DIP2C: variants seen among roughly 807,000 people sequenced by gnomAD.
The protein encoded by DIP2C is DIP2 acetate--CoA ligase C (putative), also known as disco-interacting protein 2 homolog C.
Under a neutral mutation model 192.4 loss-of-function variants are expected in DIP2C, and 33 were observed. That is an observed-to-expected ratio of 0.17 (90% CI 0.13 to 0.23). The LOEUF (loss-of-function observed/expected upper bound fraction) is 0.23. Ranked by LOEUF, DIP2C falls within the 10% of genes least tolerant of loss-of-function variation. The pLI is 1.00. For synonymous variants in DIP2C, 979 were observed against 864.1 expected (o/e 1.13, Z -2.33); for missense variants, 1,537 against 2,110.1 (o/e 0.73, Z 5.32).
rs896433178 is a variant in DIP2C at position 275,447 on chromosome 10, G to A, written c.*1878C>T. The stretch of plus-strand genomic sequence containing the variant: ...GATGGAAGGATGCACCACATATGCA[G>A]ACACATTTTTTTAAATGTGCCACTT... On this transcript the variant is annotated 3_prime_UTR_variant, in exon 37 of 37. Transcript: ENST00000280886. 2.7e-5 allele frequency: 4 copies of A among 148,474 alleles called. No homozygotes were observed. The highest frequency in any genetic ancestry group is 7.5e-5 in the African/African-American group (3 of 40,226). The allele number at this position is 148,474 out of a possible 1,614,324, so 9.2% of individuals were successfully genotyped here. A position where few individuals can be genotyped will look rare whatever the true frequency, so the allele number is the denominator to read the frequency against.
intron 1 of DIP2C, among the ~76,000 whole-genome samples, chr10:586,117 C>G (rs1373611444): frequency 6.6e-6 from 1 of 152,304 alleles, no homozygotes; most frequent in South Asian, 2.1e-4. Flanking sequence ...CCACACCACA[C>G]TTCCCTCAAC....
chr10:505,624 CCT>C (rs1303059190), intron 1 of DIP2C, among the ~76,000 whole-genome samples: 1 of 150,186 alleles, frequency 6.7e-6, no homozygotes, highest in Non-Finnish European at 1.5e-5. Context: ...AGCTATATTC[CCT>C]CTGTGGGCAC....
chr10:622,731 G>C (rs187704579), intron 1 of DIP2C, among the ~76,000 whole-genome samples: 113 of 152,254 alleles, frequency 7.4e-4, no homozygotes, highest in African/African-American at 2.7e-3. Flanking sequence ...TCAAACTCAC[G>C]TTCTTCACGT....
At chr10:448,613 T>C (rs1327251032) in intron 3 of DIP2C, among the ~76,000 whole-genome samples, 1 of 114,442 alleles carries the variant, frequency 8.7e-6, no homozygotes, top group African/African-American at 3.7e-5. Flanking sequence ...CAGGACCCAC[T>C]CACTCCCGTC....
rs774851137 is a variant in DIP2C at position 366,409 on chromosome 10, T to C, written c.2134A>G (p.Ile712Val). 57 of 1,614,058 alleles carry C rather than the reference T, an allele frequency of 3.5e-5. No homozygotes were observed. Among genetic ancestry groups the C allele is most frequent in the Non-Finnish European group, 4.6e-5 (54 of 1,180,054 alleles). Residue 712 changes from isoleucine to valine, a missense_variant and splice_region_variant, in exon 19 of 37, where the codon ATC (isoleucine) becomes GTC (valine). Coordinates refer to ENST00000280886, the MANE Select transcript of DIP2C (RefSeq NM_014974.3). ...CCGTCTGGCTTCACTGAACACATGA[T>C]GGCTAAAAGCAAACAGGAAAGCACA... ...QDVGLVMPGA[I>V]MCSVKPDGVP... is the part of the protein sequence containing the mutation.
intron 26 of DIP2C, among the ~76,000 whole-genome samples, chr10:347,484 T>G (rs1305085392): frequency 7.6e-3 from 165 of 21,636 alleles, no homozygotes; most frequent in Non-Finnish European, 9.5e-3. Flanking sequence ...AACCCCACAC[T>G]CACCCGGACA....
intron 1 of DIP2C, among the ~76,000 whole-genome samples, chr10:614,834 A>G (rs530428759): frequency 2.6e-5 from 4 of 152,230 alleles, no homozygotes; most frequent in South Asian, 2.1e-4. Context: ...CATTCTCCAC[A>G]CTGATCCAAC....
intron 17 of DIP2C, among the ~76,000 whole-genome samples, chr10:374,729 A>G (rs971147556): frequency 6.6e-6 from 1 of 152,220 alleles, no homozygotes; most frequent in African/African-American, 2.4e-5. Context: ...GATGATATTT[A>G]TCTCCATCAA....
At chr10:535,526 G>C (rs1208523629) in intron 1 of DIP2C, among the ~76,000 whole-genome samples, 1 of 151,938 alleles carries the variant, frequency 6.6e-6, no homozygotes, top group Non-Finnish European at 1.5e-5. Flanking sequence ...AGTGTTTCCT[G>C]TTACCTATTT....
At position 419,133 on chromosome 10, in the gene DIP2C, G is replaced by A. The variant is rs768479325; in HGVS notation, c.671C>T (p.Pro224Leu). 38 of 1,614,270 alleles carry A rather than the reference G, an allele frequency of 2.4e-5. No homozygotes were observed. The highest frequency in any genetic ancestry group is 1.6e-4 in the Middle Eastern group (1 of 6,062). Residue 224 changes from proline to leucine, a missense_variant, in exon 6 of 37, where the codon CCG becomes CTG. Physicochemically the swap from Pro to Leu is moderately conservative, Grantham distance 98. Coordinates refer to ENST00000280886, the MANE Select transcript of DIP2C (RefSeq NM_014974.3). ...TGTCCGGGACCCCGTGGAACCCTGC[G>A]GTCTCTCCACCTGTATCGAGTGCTC... ...TSEHSIQVER[P>L]QGSTGSRTAP...
At chr10:394,981 A>G (rs1483000992) in intron 10 of DIP2C, among the ~76,000 whole-genome samples, 2 of 151,782 alleles carry the variant, frequency 1.3e-5, no homozygotes, top group East Asian at 1.9e-4. Context: ...AGCCTGCCGT[A>G]TGCTGAACCA....
At chr10:423,778 G>A (rs1214606905) in intron 4 of DIP2C, among the ~76,000 whole-genome samples, 4 of 152,086 alleles carry the variant, frequency 2.6e-5, no homozygotes, top group African/African-American at 7.3e-5. Flanking sequence ...ACTGATGATG[G>A]TAACAGGAGA....
At chr10:303,547 G>C (rs977414561) in intron 32 of DIP2C, among the ~76,000 whole-genome samples, 1 of 150,842 alleles carries the variant, frequency 6.6e-6, no homozygotes, top group African/African-American at 2.4e-5. Context: ...TTTTGAGACA[G>C]AGTTTTGCTC....
intron 1 of DIP2C, among the ~76,000 whole-genome samples, chr10:686,608 TC>T (rs1312995002): frequency 6.6e-6 from 1 of 152,206 alleles, no homozygotes; most frequent in East Asian, 1.9e-4. Context: ...GGCCATCAGC[TC>T]CCACAAGAGG....
chr10:503,997 T>G (rs1377884198), intron 1 of DIP2C, among the ~76,000 whole-genome samples: 1 of 152,182 alleles, frequency 6.6e-6, no homozygotes, highest in African/African-American at 2.4e-5. Context: ...ACACTTAAAG[T>G]CAACTGCTTT....
At chr10:653,770 T>A (rs1856104772) in intron 1 of DIP2C, among the ~76,000 whole-genome samples, 1 of 152,212 alleles carries the variant, frequency 6.6e-6, no homozygotes, top group African/African-American at 2.4e-5. Context: ...GACTCAGCAA[T>A]CATCCACAGC....
chr10:503,644 AAG>A (rs1416220806), intron 1 of DIP2C, among the ~76,000 whole-genome samples: 1 of 152,190 alleles, frequency 6.6e-6, no homozygotes, highest in African/African-American at 2.4e-5. Context: ...CCTGAGAGGG[AAG>A]AGTCATTTGA....
rs554385936 is a variant in DIP2C, at chr10:363,662, C to T, written c.2478-351G>A. On this transcript the variant is annotated intron_variant, in intron 20 of 36. Transcript: ENST00000280886. The surrounding 1 kb of genome is among the most constrained non-coding windows in gnomAD (Gnocchi z 5.4). ...ACCCTTCACAGCTCGAGTTTGCACC[C>T]GTGAAGTTAACGGTCTCCAAATCAG... 1.3e-5 allele frequency among the ~76,000 whole-genome samples: 2 copies of T among 152,278 alleles called. No homozygotes were observed. Among genetic ancestry groups the T allele is most frequent in the South Asian group, 2.1e-4 (1 of 4,824 alleles).
chr10:545,166 C>CCTTTTTTTTTTTTTTTTT (rs1554896881), intron 1 of DIP2C, among the ~76,000 whole-genome samples: 23 of 86,342 alleles, frequency 2.7e-4, no homozygotes, highest in East Asian at 9.0e-4. Flanking sequence ...GGTGTTTTCC[C>CCTTTTTTTTTTTTTTTTT]TTTTTTTTTT....
Sources: gnomAD v4.1 joint callset for allele counts (sites outside exome capture counted in the v4.1 genomes callset) on GRCh38, gnomAD v4.1.1 for gene constraint, Gnocchi (gnomAD v3.1) non-coding constraint, MANE v1.5 for transcripts, NCBI Gene and HGNC (gene_info 2026-07-23, HGNC 2026-07-21) for gene names.